The following NCAN variants were observed in gnomAD, a reference collection of about 807,000 sequenced individuals.
NCAN encodes neurocan core protein.
NCAN carries 47 observed loss-of-function variants against 121.8 expected under a neutral mutation model. The ratio of observed to expected loss-of-function variants is 0.39; its 90% CI spans 0.31 to 0.49. The LOEUF is 0.49. Among genes scored for constraint, NCAN ranks in the 20% least tolerant of loss-of-function variants. The pLI is 0.92. For synonymous variants in NCAN, 633 were observed against 702.0 expected (o/e 0.90, Z 1.55); for missense variants, 1,517 against 1,773.4 (o/e 0.86, Z 2.60).
chr19:19,222,059 C>T (rs1485570188), intron 3 of NCAN, among the ~76,000 whole-genome samples: 1 of 152,104 alleles, frequency 6.6e-6, no homozygotes, highest in Non-Finnish European at 1.5e-5. Context: ...TGGGCAAGTC[C>T]CTGATTCCTG....
rs761753453 is a variant in NCAN at position 19,245,408 on chromosome 19, C to T, written c.3588C>T (p.Asn1196=). 1.3e-5 allele frequency: 21 copies of T among 1,614,082 alleles called. No individual in the cohort carries two copies. The highest frequency in any genetic ancestry group is 5.5e-5 in the South Asian group (5 of 91,080). Residue 1196 remains asparagine (N), a synonymous_variant, in exon 13 of 15, where the codon AAC becomes AAT. Coordinates refer to ENST00000252575, the MANE Select transcript of NCAN (RefSeq NM_004386.3). The stretch of plus-strand genomic sequence containing the variant: ...TGGCGCATGAAAGCGGGCGCTGGAA[C>T]GATGTCCCCTGCAACTACAACCTAC... ...VMVAHESGRW[N]DVPCNYNLPY... is the part of the protein sequence containing the mutation.
At chr19:19,237,606 T>C (rs2060886331) in intron 10 of NCAN, among the ~76,000 whole-genome samples, 1 of 152,176 alleles carries the variant, frequency 6.6e-6, no homozygotes, top group Non-Finnish European at 1.5e-5. Context: ...GCCATTTGTA[T>C]GTCTTCTGTG....
chr19:19,228,532 T>C lies in NCAN; in HGVS notation c.2912T>C (p.Leu971Pro). 1 of 1,613,332 alleles carries C rather than the reference T, an allele frequency of 6.2e-7. No homozygotes were observed. The highest frequency in any genetic ancestry group is 2.2e-5 in the East Asian group (1 of 44,878). Reference protein sequence around the residue: ...PVTLGIEDFELEVLAGSPGVE... With the variant: ...PVTLGIEDFEPEVLAGSPGVE... The stretch of plus-strand genomic sequence containing the variant: ...ACCCTGGGCATAGAGGACTTCGAAC[T>C]GGAGGTCCTGGCAGGGAGCCCGGGT... The change falls in exon 8 of 15, where the codon CTG becomes CCG. Residue 971 changes from leucine to proline, a missense_variant. Transcript: ENST00000252575.
intron 5 of NCAN, among the ~76,000 whole-genome samples, chr19:19,224,691 A>C (rs2060829011): frequency 7.6e-6 from 1 of 131,988 alleles, no homozygotes; most frequent in Non-Finnish European, 1.6e-5. Flanking sequence ...CCCTGTCCCT[A>C]TCCCCTTCCT....
chr19:19,229,108 T>C (rs1043831532), intron 8 of NCAN, among the ~76,000 whole-genome samples: 2 of 152,202 alleles, frequency 1.3e-5, no homozygotes, highest in Non-Finnish European at 2.9e-5. Context: ...CTGGGGAAGC[T>C]GAGGCATAAG....
chr19:19,233,974 C>A (rs2060871817), intron 9 of NCAN, 69 bp downstream of exon 9: 2 of 959,160 alleles, frequency 2.1e-6, no homozygotes, highest in African/African-American at 1.6e-5. Context: ...TGTACTCCAG[C>A]AGCCATGCCC....
intron 1 of NCAN, among the ~76,000 whole-genome samples, chr19:19,214,894 A>G (rs2060790878): frequency 6.6e-6 from 1 of 152,146 alleles, no homozygotes; most frequent in Non-Finnish European, 1.5e-5. Flanking sequence ...GGGACCCCAC[A>G]CTTGCTCAGG....
chr19:19,215,106 C>A (rs1331193011), intron 1 of NCAN, among the ~76,000 whole-genome samples: 1 of 152,072 alleles, frequency 6.6e-6, no homozygotes, highest in Non-Finnish European at 1.5e-5. Flanking sequence ...TGGGCTTTGC[C>A]GCTGCGTTGC....
At position 19,240,680 on chromosome 19, in the gene NCAN, G is replaced by A. The variant is rs748590275; in HGVS notation, c.3487G>A (p.Gly1163Arg). 2.0e-5 allele frequency: 33 copies of A among 1,613,898 alleles called. No homozygotes were observed. The highest frequency in any genetic ancestry group is 1.1e-4 in the African/African-American group (8 of 74,938). Residue 1163 changes from glycine (G) to arginine (R), a missense_variant, in exon 12 of 15, where the codon GGG becomes AGG. By Grantham distance (125) the Gly-to-Arg change is moderately radical. Transcript: ENST00000252575. ...AGATTTCCAGTGGACGGACAACACCGGGCTGGTGAGTGGCAGGGGCTGCGG... is the reference window on the plus strand; with the variant it reads ...AGATTTCCAGTGGACGGACAACACCAGGCTGGTGAGTGGCAGGGGCTGCGG... ...ERDFQWTDNTGLQFENWRENQ... is the reference protein window; with the variant it reads ...ERDFQWTDNTRLQFENWRENQ...
chr19:19,238,452 G>T (rs1176368152), intron 11 of NCAN, 41 bp downstream of exon 11: 1 of 1,612,112 alleles, frequency 6.2e-7, no homozygotes, highest in Non-Finnish European at 8.5e-7. Flanking sequence ...TGGAGGGTGG[G>T]CAGGGGTGGC....
intron 3 of NCAN, 103 bp from the exon 4 acceptor site, chr19:19,223,918 T>A: frequency 8.1e-7 from 1 of 1,234,352 alleles, no homozygotes; most frequent in Non-Finnish European, 1.1e-6. Context: ...CTAGGTCTAT[T>A]ATTATCAGAC....
At chr19:19,214,450 G>T (rs1000047324) in intron 1 of NCAN, among the ~76,000 whole-genome samples, 5 of 151,916 alleles carry the variant, frequency 3.3e-5, no homozygotes, top group African/African-American at 1.2e-4. Flanking sequence ...GGTGTGTGTG[G>T]GGGGTGTGCA....
chr19:19,222,302 C>T (rs899791956), intron 3 of NCAN, among the ~76,000 whole-genome samples: 16 of 152,242 alleles, frequency 1.1e-4, no homozygotes, highest in African/African-American at 3.6e-4. Context: ...TTGTTTGAGA[C>T]AGAGTCTCAC....
At chr19:19,245,563 CACCG>C in intron 13 of NCAN, 106 bp downstream of exon 13, 2 of 1,345,590 alleles carry the variant, frequency 1.5e-6, no homozygotes, top group Non-Finnish European at 2.0e-6. Context: ...TCACAGCCTC[CACCG>C]CCTGGGTTCA....
intron 3 of NCAN, 55 bp downstream of exon 3, chr19:19,219,371 G>A: frequency 1.4e-6 from 2 of 1,427,566 alleles, no homozygotes; most frequent in Non-Finnish European, 1.8e-6. Flanking sequence ...GGCTGAGCCT[G>A]GAGCCCACCC....
intron 1 of NCAN, among the ~76,000 whole-genome samples, chr19:19,216,178 T>C (rs2060795187): frequency 6.6e-6 from 1 of 152,136 alleles, no homozygotes; most frequent in South Asian, 2.1e-4. Context: ...GTTTTCAGTC[T>C]CGCGCTGTCA....
At chr19:19,234,810 G>A (rs761750429) in intron 9 of NCAN, among the ~76,000 whole-genome samples, 173 bp from the exon 10 acceptor site, 16 of 152,224 alleles carry the variant, frequency 1.1e-4, no homozygotes, top group Non-Finnish European at 5.9e-5. Flanking sequence ...ATTGTATGAG[G>A]TTCCACCCCC....
intron 10 of NCAN, among the ~76,000 whole-genome samples, chr19:19,236,438 T>C (rs1378562072): frequency 1.3e-5 from 2 of 152,208 alleles, no homozygotes; most frequent in African/African-American, 2.4e-5. Flanking sequence ...ATTTGGGTTG[T>C]TTCCTCCAGA....
rs149176442 is a variant in NCAN, at chr19:19,218,921, A to G, written c.80A>G (p.Gln27Arg). 3 of 1,491,140 alleles carry G rather than the reference A, an allele frequency of 2.0e-6. No homozygotes were observed. In the African/African-American group the frequency reaches 4.2e-5, roughly 21 times the overall value. 92.4% of individuals were successfully genotyped at this position (1,491,140 alleles called of 1,614,324 possible). A position where few individuals can be genotyped will look rare whatever the true frequency, so the allele number is the denominator to read the frequency against. ...TCCACCTTCTCCAACCCAGGCACAC[A>G]GGATATCACCGATGCCAGCGAAAGG... ...LLFVAGEQGT[Q>R]DITDASERGL... Residue 27 changes from glutamine to arginine, a missense_variant, in exon 3 of 15, where the codon CAG (glutamine) becomes CGG (arginine). Gln to Arg is a conservative substitution (Grantham distance 43, BLOSUM62 1). Coordinates refer to ENST00000252575, the MANE Select transcript of NCAN (RefSeq NM_004386.3).
Sources: gnomAD v4.1 joint callset for allele counts (sites outside exome capture counted in the v4.1 genomes callset) on GRCh38, gnomAD v4.1.1 for gene constraint, MANE v1.5 for transcripts, NCBI Gene and HGNC (gene_info 2026-07-23, HGNC 2026-07-21) for gene names.